The following FNDC3A variants were observed in gnomAD, a reference collection of about 807,000 sequenced individuals.
FNDC3A encodes fibronectin type III domain containing 3A, also known as fibronectin type-III domain-containing protein 3A.
A neutral mutation model predicts 148.9 loss-of-function variants in FNDC3A; 32 were observed. That is an observed-to-expected ratio of 0.21 (90% CI 0.16 to 0.29). The LOEUF (loss-of-function observed/expected upper bound fraction) is 0.29. Ranked by LOEUF, FNDC3A falls within the 10% of genes least tolerant of loss-of-function variation. The probability of loss-of-function intolerance (pLI) is 1.00; values close to 1 mark genes in which losing one functional copy is unlikely to be tolerated. For missense variants in FNDC3A, 1,191 were observed against 1,452.8 expected, an observed-to-expected ratio of 0.82 and a Z score of 2.93; for synonymous variants, 472 against 473.6, an observed-to-expected ratio of 1.00 and a Z score of 0.04.
chr13:49,202,155 G>A (rs1323569563), intron 24 of FNDC3A, among the ~76,000 whole-genome samples, 189 bp downstream of exon 24: 1 of 152,082 alleles, frequency 6.6e-6, no homozygotes, highest in Non-Finnish European at 1.5e-5. Context: ...TATCTGGCAC[G>A]CTCATATTCA....
chr13:49,033,784 A>T (rs1290566012), intron 2 of FNDC3A, among the ~76,000 whole-genome samples: 2 of 151,952 alleles, frequency 1.3e-5, no homozygotes, highest in African/African-American at 2.4e-5. Context: ...AAGGAGTAAG[A>T]TCATGTTACT....
chr13:49,147,752 G>A (rs1017438726), intron 8 of FNDC3A, among the ~76,000 whole-genome samples: 2 of 152,170 alleles, frequency 1.3e-5, no homozygotes, highest in Non-Finnish European at 2.9e-5. Flanking sequence ...ATACCCAGTA[G>A]TGGGATTGCT....
chr13:49,174,568 T>G lies in FNDC3A; in HGVS notation c.1355+9T>G. On this transcript the variant is annotated intron_variant, in intron 12 of 25. Coordinates refer to ENST00000492622, the MANE Select transcript of FNDC3A (RefSeq NM_001079673.2). ...AATGACTATGGTACAAGGTAAGGTG[T>G]ACTTTATAAAAGAATGTAAATATTT... 6.3e-7 allele frequency: 1 copy of G among 1,597,624 alleles called. No individual in the cohort carries two copies. The highest frequency in any genetic ancestry group is 8.5e-7 in the Non-Finnish European group (1 of 1,171,246).
chr13:49,095,254 T>TGAA (rs1362148643), intron 3 of FNDC3A: 1 of 152,014 alleles, frequency 6.6e-6, no homozygotes, highest in Admixed American at 6.6e-5. Context: ...ATCAGACATA[T>TGAA]GAAGGTTATC....
At chr13:49,068,458 TGAATCAACCATTGTG>T (rs942929899) in intron 2 of FNDC3A, among the ~76,000 whole-genome samples, 4 of 152,218 alleles carry the variant, frequency 2.6e-5, no homozygotes, top group South Asian at 2.1e-4. Flanking sequence ...CTAATAGTGG[TGAATCAACCATTGTG>T]GAATCAACCA....
intron 2 of FNDC3A, among the ~76,000 whole-genome samples, chr13:49,036,914 A>C (rs7986624): frequency 0.62 from 94,157 of 151,948 alleles, 29,837 homozygotes; most frequent in Non-Finnish European, 0.68. Context: ...AATAGTAAGT[A>C]AGTCACAGAC....
intron 2 of FNDC3A, among the ~76,000 whole-genome samples, chr13:49,013,774 A>T (rs1490036240): frequency 1.7e-5 from 2 of 115,082 alleles, no homozygotes; most frequent in Non-Finnish European, 3.4e-5. Context: ...CAGTCCCCAG[A>T]GTGTGATGTT....
At chr13:49,054,854 A>G (rs991076582) in intron 2 of FNDC3A, among the ~76,000 whole-genome samples, 1 of 151,926 alleles carries the variant, frequency 6.6e-6, no homozygotes. Flanking sequence ...TTTTATATTT[A>G]TATTTGGATT....
intron 2 of FNDC3A, among the ~76,000 whole-genome samples, chr13:49,070,405 A>G (rs1375405086): frequency 2.0e-5 from 3 of 152,208 alleles, no homozygotes; most frequent in Admixed American, 6.5e-5. Flanking sequence ...TCAACATGTA[A>G]TTGATATAAA....
chr13:49,159,743 C>T (rs1233242525), intron 8 of FNDC3A, among the ~76,000 whole-genome samples: 3 of 152,166 alleles, frequency 2.0e-5, no homozygotes, highest in South Asian at 4.1e-4. Flanking sequence ...CAGTATGATA[C>T]TGGCTGTGGG....
intron 7 of FNDC3A, among the ~76,000 whole-genome samples, chr13:49,143,409 T>A (rs560983812): frequency 1.3e-5 from 2 of 152,200 alleles, no homozygotes; most frequent in African/African-American, 4.8e-5. Context: ...CATTTTAAAA[T>A]TTTTTTAATT....
At chr13:49,149,141 T>C (rs1459146229) in intron 8 of FNDC3A, among the ~76,000 whole-genome samples, 1 of 152,024 alleles carries the variant, frequency 6.6e-6, no homozygotes, top group Non-Finnish European at 1.5e-5. Context: ...GATCATGTCA[T>C]CTACAAAGAA....
In FNDC3A at chr13:49,071,385, A is replaced by G. The variant is rs542483945; in HGVS notation, c.100-3904A>G. On this transcript the variant is annotated intron_variant, in intron 2 of 25. Coordinates refer to ENST00000492622, the MANE Select transcript of FNDC3A (RefSeq NM_001079673.2). ...TATACTGATTTCCTTTCTTTTGGAC[A>G]TATACTCAGCAGTAGGATTGCTGGG... is the stretch of plus-strand genomic sequence containing the variant. Among the ~76,000 whole-genome samples the G allele has an allele frequency of 2.9e-4, 44 of 152,256 alleles. No homozygotes were observed. The South Asian group carries it at 9.1e-3, about 32-fold the overall frequency.
intron 2 of FNDC3A, among the ~76,000 whole-genome samples, chr13:49,030,102 A>G (rs567127961): frequency 4.6e-4 from 70 of 152,258 alleles, no homozygotes; most frequent in African/African-American, 1.6e-3. Flanking sequence ...CCACAGACCA[A>G]TATCCCTTAT....
chr13:49,002,694 A>G (rs1952146931), intron 1 of FNDC3A, among the ~76,000 whole-genome samples: 1 of 152,168 alleles, frequency 6.6e-6, no homozygotes, highest in African/African-American at 2.4e-5. Context: ...TGCAAATAAA[A>G]TTATGTAGCC....
chr13:49,110,169 C>G, intron 3 of FNDC3A: 1 of 437,420 alleles, frequency 2.3e-6, no homozygotes, highest in Non-Finnish European at 4.1e-6. Flanking sequence ...TCTTTTTTTT[C>G]CCCTATATCA....
At chr13:49,044,673 A>G (rs1166328876) in intron 2 of FNDC3A, 1 of 231,406 alleles carries the variant, frequency 4.3e-6, no homozygotes, top group Non-Finnish European at 9.1e-6. Flanking sequence ...CTGTCTCAAA[A>G]AAAAAAAAGA....
chr13:49,098,505 T>A (rs1879668930), intron 3 of FNDC3A, among the ~76,000 whole-genome samples: 1 of 152,182 alleles, frequency 6.6e-6, no homozygotes, highest in African/African-American at 2.4e-5. Context: ...CACAACCTGC[T>A]GCATTCATGG....
chr13:49,112,808 AT>A lies in FNDC3A; in HGVS notation c.176-1846del, dbSNP rs201047967. ...TAGAATGATTATGAGGAGAAAAAAT[AT>A]GTAAAAGGCCTGGCACATAGTAAGT... On this transcript the variant is annotated intron_variant, in intron 3 of 25. Coordinates refer to ENST00000492622, the MANE Select transcript of FNDC3A (RefSeq NM_001079673.2). Among the ~76,000 whole-genome samples the A allele has an allele frequency of 2.6e-5, 4 of 152,316 alleles. No homozygotes were observed. In the East Asian group the frequency reaches 7.7e-4, roughly 29 times the overall value.
Sources: gnomAD v4.1 joint callset for allele counts (sites outside exome capture counted in the v4.1 genomes callset) on GRCh38, gnomAD v4.1.1 for gene constraint, MANE v1.5 for transcripts, NCBI Gene and HGNC (gene_info 2026-07-23, HGNC 2026-07-21) for gene names.